Variants in KCNH7 observed in about 807,000 individuals in gnomAD.
The protein encoded by KCNH7 is voltage-gated inwardly rectifying potassium channel KCNH7.
A neutral mutation model predicts 120.8 loss-of-function variants in KCNH7; 49 were observed. The ratio of observed to expected loss-of-function variants is 0.41; its 90% CI spans 0.32 to 0.51. KCNH7 has a LOEUF of 0.51. Ranked by LOEUF, KCNH7 falls within the 20% of genes least tolerant of loss-of-function variation. The pLI is 0.38. For missense variants in KCNH7, 1,097 were observed against 1,446.6 expected, an observed-to-expected ratio of 0.76 and a Z score of 3.92; for synonymous variants, 547 against 516.1, an observed-to-expected ratio of 1.06 and a Z score of -0.81.
In KCNH7 at chr2:162,479,172, CT is replaced by C. The variant is rs1257495448; in HGVS notation, c.1128+25270del. On this transcript the variant is annotated intron_variant, in intron 6 of 15. Coordinates refer to ENST00000332142, the MANE Select transcript of KCNH7 (RefSeq NM_033272.4). ...GGAAAAAAAAAAAGAATGTGAAAGT[CT>C]TTTTTTTTTTTCAAAAAAAGTCATT... 1.4e-3 allele frequency among the ~76,000 whole-genome samples: 181 copies of C among 132,120 alleles called. 2 individuals carry two copies. Among genetic ancestry groups the C allele is most frequent in the East Asian group, 4.6e-3 (21 of 4,610 alleles). 86.7% of individuals were successfully genotyped at this position (132,120 alleles called of 152,430 possible). A position where few individuals can be genotyped will look rare whatever the true frequency, so the allele number is the denominator to read the frequency against.
At chr2:162,470,877 G>T (rs1160435385) in intron 6 of KCNH7, among the ~76,000 whole-genome samples, 1 of 152,226 alleles carries the variant, frequency 6.6e-6, no homozygotes, top group African/African-American at 2.4e-5. Flanking sequence ...AGACATGGGA[G>T]ACTTTTCACT....
At chr2:162,834,262 A>G (rs1394215370) in intron 2 of KCNH7, among the ~76,000 whole-genome samples, 2 of 152,108 alleles carry the variant, frequency 1.3e-5, no homozygotes, top group East Asian at 3.8e-4. Context: ...GCCAAAACAC[A>G]AGTTTATTAC....
intron 2 of KCNH7, among the ~76,000 whole-genome samples, chr2:162,554,377 A>G (rs1004464118): frequency 5.3e-5 from 8 of 152,118 alleles, no homozygotes; most frequent in African/African-American, 1.9e-4. Context: ...TTTTTAAGTA[A>G]TAAAGGTGAA....
chr2:162,731,969 G>T (rs557788751), intron 2 of KCNH7, among the ~76,000 whole-genome samples: 16 of 152,148 alleles, frequency 1.1e-4, no homozygotes, highest in Non-Finnish European at 2.1e-4. Context: ...GATAAAGTTG[G>T]CAGAATTAAG....
chr2:162,614,038 C>CT, intron 2 of KCNH7, among the ~76,000 whole-genome samples: 1 of 151,526 alleles, frequency 6.6e-6, no homozygotes, highest in Admixed American at 6.6e-5. Flanking sequence ...TAGTGGGAGT[C>CT]TAAGTCAACA....
intron 6 of KCNH7, among the ~76,000 whole-genome samples, chr2:162,472,070 C>T (rs1463692390): frequency 6.6e-6 from 1 of 152,076 alleles, no homozygotes; most frequent in Non-Finnish European, 1.5e-5. Context: ...TTCCTTACAC[C>T]TTATACAAAA....
intron 2 of KCNH7, among the ~76,000 whole-genome samples, chr2:162,688,892 T>A (rs535400496): frequency 6.6e-6 from 1 of 152,144 alleles, no homozygotes; most frequent in African/African-American, 2.4e-5. Flanking sequence ...CAGAATGATC[T>A]GGAATGAATC....
In KCNH7 at chr2:162,374,958, C is replaced by T. The variant is rs538537805; in HGVS notation, c.3132-1296G>A. Among the ~76,000 whole-genome samples, 25 of 152,242 alleles carry T rather than the reference C, an allele frequency of 1.6e-4. No homozygotes were observed. The South Asian group carries it at 5.2e-3, about 32-fold the overall frequency. On this transcript the variant is annotated intron_variant, in intron 14 of 15. Transcript: ENST00000332142. ...TTATCTACTCTTGATACCTGAAGGTCTGATCTAATTTTTATGCTTCCAACT... is the reference window on the plus strand; with the variant it reads ...TTATCTACTCTTGATACCTGAAGGTTTGATCTAATTTTTATGCTTCCAACT...
intron 2 of KCNH7, among the ~76,000 whole-genome samples, chr2:162,789,073 A>G (rs1279316232): frequency 6.6e-6 from 1 of 151,630 alleles, no homozygotes; most frequent in African/African-American, 2.4e-5. Context: ...AATGAGAGAT[A>G]CTTTCCCAAA....
chr2:162,724,796 T>G (rs1202581540), intron 2 of KCNH7, among the ~76,000 whole-genome samples: 1 of 152,182 alleles, frequency 6.6e-6, no homozygotes, highest in Non-Finnish European at 1.5e-5. Flanking sequence ...TGACTACGGA[T>G]AACTGAAACC....
chr2:162,423,543 G>C lies in KCNH7; in HGVS notation c.1955-8C>G, dbSNP rs747060431. The C allele has an allele frequency of 6.2e-7, 1 of 1,609,002 alleles. No homozygotes were observed. Among genetic ancestry groups the C allele is most frequent in the Non-Finnish European group, 8.5e-7 (1 of 1,176,350 alleles). On this transcript the variant is annotated splice_polypyrimidine_tract_variant and splice_region_variant and intron_variant, in intron 8 of 15. Transcript: ENST00000332142. ...TGCTTGCATACATTAGTGCTGGATT[G>C]GATAAAAAACAAAGTTATCGGGGAA...
chr2:162,565,500 T>C (rs1693221848), intron 2 of KCNH7, among the ~76,000 whole-genome samples: 3 of 152,052 alleles, frequency 2.0e-5, no homozygotes, highest in African/African-American at 4.8e-5. Flanking sequence ...GGATGACAGT[T>C]TTTACTGAAT....
At chr2:162,393,975 C>T (rs999388659) in intron 12 of KCNH7, among the ~76,000 whole-genome samples, 1 of 151,904 alleles carries the variant, frequency 6.6e-6, no homozygotes, top group Non-Finnish European at 1.5e-5. Context: ...CAAGAAGTGA[C>T]AAGTGCCACA....
At position 162,435,215 on chromosome 2, in the gene KCNH7, C is replaced by G. The variant is rs1330836116; in HGVS notation, c.1937G>C (p.Cys646Ser). ...NTNSEKIFSICVMLIGSLMYA... is the reference protein window; with the variant it reads ...NTNSEKIFSISVMLIGSLMYA... ...CTACTTACAGCCAATCAACATGACA[C>G]AAATTGAAAAGATTTTCTCCGAATT... The change falls in exon 8 of 16, where the codon TGT (cysteine) becomes TCT (serine). Residue 646 changes from cysteine (C) to serine (S), a missense_variant. Transcript: ENST00000332142. The G allele has an allele frequency of 6.2e-7, 1 of 1,612,806 alleles. No homozygotes were observed. Among genetic ancestry groups the G allele is most frequent in the South Asian group, 1.1e-5 (1 of 90,970 alleles).
intron 6 of KCNH7, among the ~76,000 whole-genome samples, chr2:162,479,177 T>C (rs1049207676): frequency 6.6e-6 from 1 of 150,920 alleles, no homozygotes; most frequent in African/African-American, 2.4e-5. Flanking sequence ...AAAGTCTTTT[T>C]TTTTTTTCAA....
chr2:162,484,952 C>T (rs964185517), intron 6 of KCNH7, among the ~76,000 whole-genome samples: 5 of 152,136 alleles, frequency 3.3e-5, no homozygotes, highest in Non-Finnish European at 5.9e-5. Context: ...GAATCATGAG[C>T]GAATAAATTT....
Position 162,371,727 on chromosome 2 carries a change from AC to A in KCNH7, c.*101del. 6 of 1,119,466 alleles carry A rather than the reference AC, an allele frequency of 5.4e-6. No homozygotes were observed. Among genetic ancestry groups the A allele is most frequent in the Non-Finnish European group, 7.6e-6 (6 of 794,472 alleles). The allele number at this position is 1,119,466 out of a possible 1,614,324, so 69.3% of individuals were successfully genotyped here. A position where few individuals can be genotyped will look rare whatever the true frequency, so the allele number is the denominator to read the frequency against. On this transcript the variant is annotated 3_prime_UTR_variant, in exon 16 of 16. Transcript: ENST00000332142. ...ATACAGTACTTTTGCATATAATGGTACCTTGTGAGCCCCTGAGTCAAGTAGA... is the reference window on the plus strand; with the variant it reads ...ATACAGTACTTTTGCATATAATGGTACTTGTGAGCCCCTGAGTCAAGTAGA...
At chr2:162,579,930 G>A (rs1242825589) in intron 2 of KCNH7, among the ~76,000 whole-genome samples, 1 of 151,998 alleles carries the variant, frequency 6.6e-6, no homozygotes, top group Non-Finnish European at 1.5e-5. Context: ...ACCTTTAATG[G>A]AGAAGTATAA....
chr2:162,594,025 A>T (rs1694296439), intron 2 of KCNH7, among the ~76,000 whole-genome samples: 1 of 151,874 alleles, frequency 6.6e-6, no homozygotes, highest in East Asian at 1.9e-4. Flanking sequence ...ATCTTCCATG[A>T]CCTTTTGGGA....
Sources: allele counts gnomAD v4.1 joint callset (sites outside exome capture counted in the v4.1 genomes callset), GRCh38; gene constraint gnomAD v4.1.1; transcripts MANE v1.5; gene names NCBI Gene and HGNC (gene_info 2026-07-23, HGNC 2026-07-21).